The following ZNF385D variants were observed in gnomAD, a reference collection of about 807,000 sequenced individuals.
The protein encoded by ZNF385D is zinc finger protein 385D.
In ZNF385D, 15 loss-of-function variants were observed where a neutral mutation model predicts 35.8. The ratio of observed to expected loss-of-function variants is 0.42; its 90% confidence interval spans 0.28 to 0.64. The LOEUF is 0.64. Ranked by LOEUF, ZNF385D falls within the 30% of genes least tolerant of loss-of-function variation. The pLI is 0.23. For synonymous variants in ZNF385D, 212 were observed against 186.8 expected (o/e 1.13, Z -1.10); for missense variants, 474 against 494.6 (o/e 0.96, Z 0.39).
chr3:21,935,105 T>C (rs1306832757), intron 3 of ZNF385D, among the ~76,000 whole-genome samples: 1 of 152,262 alleles, frequency 6.6e-6, no homozygotes, highest in African/African-American at 2.4e-5. Flanking sequence ...CCTTTATGCA[T>C]TATTTATCTA....
chr3:21,685,526 A>C (rs1477078749), intron 1 of ZNF385D, among the ~76,000 whole-genome samples: 1 of 152,150 alleles, frequency 6.6e-6, no homozygotes, highest in African/African-American at 2.4e-5. Context: ...GTCTGTGATT[A>C]ATTTTACTTA....
chr3:21,655,289 G>A (rs796718183), intron 2 of ZNF385D, among the ~76,000 whole-genome samples: 3 of 151,882 alleles, frequency 2.0e-5, no homozygotes, highest in Admixed American at 6.6e-5. Context: ...CAGGCTCCAC[G>A]TTTTTGCCTT....
intron 3 of ZNF385D, among the ~76,000 whole-genome samples, chr3:21,935,654 C>T (rs1274839398): frequency 6.6e-6 from 1 of 152,092 alleles, no homozygotes; most frequent in Non-Finnish European, 1.5e-5. Flanking sequence ...TTAGAAGTGA[C>T]CTTTTTTTCT....
At chr3:21,597,994 A>T (rs34861851) in intron 2 of ZNF385D, among the ~76,000 whole-genome samples, 49,415 of 152,060 alleles carry the variant, frequency 0.32, 9,028 homozygotes, top group Non-Finnish European at 0.42. Flanking sequence ...TACAAAGAAG[A>T]AGTATTAAAT....
intron 3 of ZNF385D, among the ~76,000 whole-genome samples, chr3:21,549,570 C>G (rs1170090749): frequency 1.3e-5 from 2 of 152,196 alleles, no homozygotes; most frequent in Non-Finnish European, 2.9e-5. Flanking sequence ...ATAGTGACAA[C>G]CTATAGGCCA....
chr3:21,789,087 TAAAAAG>T (rs1559623288), intron 3 of ZNF385D, among the ~76,000 whole-genome samples: 2 of 151,648 alleles, frequency 1.3e-5, no homozygotes, highest in East Asian at 1.9e-4. Flanking sequence ...CCTAGAAAAA[TAAAAAG>T]AAATTGTTCA....
At chr3:22,311,823 T>C (rs1575095204) in intron 2 of ZNF385D, among the ~76,000 whole-genome samples, 2 of 152,232 alleles carry the variant, frequency 1.3e-5, no homozygotes, top group South Asian at 2.1e-4. Flanking sequence ...TTTACTATTA[T>C]GAACTCTGTC....
upstream of ZNF385D, chr3:21,751,331 C>A: frequency 1.9e-6 from 2 of 1,060,712 alleles, no homozygotes; most frequent in Non-Finnish European, 2.3e-6. Flanking sequence ...CTTTGACGAG[C>A]CCAGAGACTT....
intron 1 of ZNF385D, among the ~76,000 whole-genome samples, chr3:21,685,527 A>AC (rs2067075574): frequency 6.6e-6 from 1 of 152,098 alleles, no homozygotes; most frequent in Non-Finnish European, 1.5e-5. Context: ...TCTGTGATTA[A>AC]TTTTACTTAT....
intron 4 of ZNF385D, among the ~76,000 whole-genome samples, chr3:21,503,735 G>A (rs181765192): frequency 1.0e-3 from 155 of 152,128 alleles, no homozygotes; most frequent in African/African-American, 3.2e-3. Flanking sequence ...TCAATCACTG[G>A]CCATCATTTT....
chr3:22,111,586 T>C (rs909073496), intron 3 of ZNF385D, among the ~76,000 whole-genome samples: 1 of 152,114 alleles, frequency 6.6e-6, no homozygotes, highest in Non-Finnish European at 1.5e-5. Context: ...TCTTGGCATT[T>C]TGTTCAACCA....
chr3:22,115,288 C>A (rs1702750002), intron 3 of ZNF385D, among the ~76,000 whole-genome samples: 1 of 152,076 alleles, frequency 6.6e-6, no homozygotes, highest in Non-Finnish European at 1.5e-5. Flanking sequence ...GAAACAGAGA[C>A]TTTGCCTTTG....
intron 4 of ZNF385D, among the ~76,000 whole-genome samples, chr3:21,471,423 T>G (rs778692743): frequency 9.2e-5 from 14 of 152,086 alleles, no homozygotes; most frequent in Non-Finnish European, 1.6e-4. Flanking sequence ...AAAGCCATAG[T>G]CTGCCAATAT....
At chr3:21,733,332 T>G (rs1434922836) in intron 1 of ZNF385D, among the ~76,000 whole-genome samples, 1 of 152,178 alleles carries the variant, frequency 6.6e-6, no homozygotes, top group African/African-American at 2.4e-5. Flanking sequence ...TCCTTCAACT[T>G]TGTCCTCCTT....
intron 2 of ZNF385D, among the ~76,000 whole-genome samples, chr3:22,279,919 CT>C (rs1317799795): frequency 2.6e-5 from 4 of 151,966 alleles, no homozygotes; most frequent in Non-Finnish European, 4.4e-5. Flanking sequence ...AAAAGTGTTC[CT>C]TTTTCACCAC....
intron 1 of ZNF385D, among the ~76,000 whole-genome samples, chr3:21,689,878 A>G (rs1277349652): frequency 3.4e-5 from 1 of 29,164 alleles, no homozygotes; most frequent in Non-Finnish European, 6.6e-5. Context: ...AAGAAGGGCG[A>G]AAAATTGCAA....
At chr3:21,632,144 G>C (rs980598824) in intron 2 of ZNF385D, among the ~76,000 whole-genome samples, 9 of 152,072 alleles carry the variant, frequency 5.9e-5, no homozygotes, top group African/African-American at 2.2e-4. Context: ...TAGTGGGAAA[G>C]AAAGTTAATT....
chr3:21,835,662 T>C (rs1472046327), intron 3 of ZNF385D, among the ~76,000 whole-genome samples: 1 of 152,114 alleles, frequency 6.6e-6, no homozygotes, highest in African/African-American at 2.4e-5. Flanking sequence ...GATTTTATAT[T>C]TACTTGAAAA....
intron 3 of ZNF385D, among the ~76,000 whole-genome samples, chr3:21,848,755 A>G (rs1250997467): frequency 6.6e-6 from 1 of 152,070 alleles, no homozygotes; most frequent in Non-Finnish European, 1.5e-5. Context: ...AAGCCTCCCA[A>G]CAAAGAAAAG....
Sources: gnomAD v4.1 joint callset for allele counts (sites outside exome capture counted in the v4.1 genomes callset) on GRCh38, gnomAD v4.1.1 for gene constraint, MANE v1.5 for transcripts, NCBI Gene and HGNC (gene_info 2026-07-23, HGNC 2026-07-21) for gene names.